The following TMEM260 variants were observed in gnomAD, a reference collection of about 807,000 sequenced individuals.
TMEM260 encodes the protein protein O-mannosyl-transferase TMEM260.
A neutral mutation model predicts 88.9 loss-of-function variants in TMEM260; 82 were observed. That is an observed-to-expected ratio of 0.92 (90% CI 0.77 to 1.11). The LOEUF is 1.11. Ranked by LOEUF, TMEM260 falls within the 50% of genes least tolerant of loss-of-function variation. The pLI is 0.00. For synonymous variants in TMEM260, 314 were observed against 309.3 expected (o/e 1.02, Z -0.16); for missense variants, 902 against 853.4 (o/e 1.06, Z -0.71).
At chr14:56,606,006 T>C (rs540532229) in intron 5 of TMEM260, among the ~76,000 whole-genome samples, 1 of 152,348 alleles carries the variant, frequency 6.6e-6, no homozygotes, top group East Asian at 1.9e-4. Context: ...CAGAGTGGTG[T>C]GCCATCATAC....
At chr14:56,590,501 A>G (rs1456946613) in intron 3 of TMEM260, among the ~76,000 whole-genome samples, 1 of 152,236 alleles carries the variant, frequency 6.6e-6, no homozygotes, top group Non-Finnish European at 1.5e-5. Context: ...CCCATGTGTA[A>G]GATGAGGAAG....
At chr14:56,644,750 T>C (rs1889839494) in intron 15 of TMEM260, among the ~76,000 whole-genome samples, 1 of 150,886 alleles carries the variant, frequency 6.6e-6, no homozygotes, top group African/African-American at 2.4e-5. Flanking sequence ...TGCAACTTAC[T>C]CGACAAAGGG....
intron 13 of TMEM260, 90 bp downstream of exon 13, chr14:56,633,261 T>C: frequency 9.8e-7 from 1 of 1,019,208 alleles, no homozygotes; most frequent in African/African-American, 1.9e-5. Flanking sequence ...CCTTCTAATT[T>C]TTTTTTTTAT....
downstream of TMEM260, among the ~76,000 whole-genome samples, chr14:56,653,741 C>CAAAAAAAAACAAAAACA (rs1890248662): frequency 1.0e-5 from 1 of 97,912 alleles, no homozygotes; most frequent in South Asian, 3.3e-4. Context: ...GTCTCCAAAA[C>CAAAAAAAAACAAAAACA]AAAAAAAAAA....
chr14:56,626,491 A>G (rs571648304), intron 12 of TMEM260, among the ~76,000 whole-genome samples: 19 of 152,340 alleles, frequency 1.2e-4, no homozygotes, highest in African/African-American at 4.6e-4. Flanking sequence ...CTCAGTTCCA[A>G]ATCCAAATAG....
intron 15 of TMEM260, among the ~76,000 whole-genome samples, 164 bp downstream of exon 15, chr14:56,636,762 A>G (rs910493440): frequency 6.6e-6 from 1 of 152,182 alleles, no homozygotes; most frequent in African/African-American, 2.4e-5. Context: ...CAGTTGTATC[A>G]CAGTATCCAA....
At chr14:56,637,957 C>T (rs970195973) in intron 15 of TMEM260, among the ~76,000 whole-genome samples, 7 of 151,656 alleles carry the variant, frequency 4.6e-5, no homozygotes, top group Non-Finnish European at 7.4e-5. Context: ...AAGGGTGCTA[C>T]AGAAACCCAG....
chr14:56,593,509 A>G (rs1200702952), intron 3 of TMEM260, among the ~76,000 whole-genome samples: 1 of 151,898 alleles, frequency 6.6e-6, no homozygotes, highest in Non-Finnish European at 1.5e-5. Context: ...TATATAAAGT[A>G]TAAAATTATT....
chr14:56,624,419 C>T (rs1364542783), intron 11 of TMEM260, among the ~76,000 whole-genome samples: 1 of 152,072 alleles, frequency 6.6e-6, no homozygotes, highest in East Asian at 1.9e-4. Flanking sequence ...ATCAAAAATA[C>T]AAAAATTATT....
At position 56,648,012 on chromosome 14, in the gene TMEM260, A is replaced by G. The variant is rs1890073641; in HGVS notation, c.*515A>G. 1 of 152,456 alleles carries G rather than the reference A, an allele frequency of 6.6e-6. No individual in the cohort carries two copies. Among genetic ancestry groups the G allele is most frequent in the African/African-American group, 2.4e-5 (1 of 41,450 alleles). The allele number at this position is 152,456 out of a possible 1,614,324, so 9.4% of individuals were successfully genotyped here. Reference sequence around the variant, plus strand: ...GTTACATAGTCTTACACTTCAAGCTAAACACCAAATGGGTGATATTTTGAA... The same window carrying G: ...GTTACATAGTCTTACACTTCAAGCTGAACACCAAATGGGTGATATTTTGAA... On this transcript the variant is annotated 3_prime_UTR_variant, in exon 16 of 16. Transcript: ENST00000261556.
In TMEM260 at chr14:56,621,548, C is replaced by T; in HGVS notation, c.1244C>T (p.Thr415Ile). Reference sequence around the variant, plus strand: ...TTATTTAGTGTTTGTGACCAAAGGACCAACTATGTGATTGATAAGTTCGCA... The same window carrying T: ...TTATTTAGTGTTTGTGACCAAAGGATCAACTATGTGATTGATAAGTTCGCA... ...YSNYSVCDQR[T>I]NYVIDKFAKN... The change falls in exon 11 of 16, where the codon ACC (threonine) becomes ATC (isoleucine). Residue 415 changes from threonine to isoleucine, a missense_variant. Thr to Ile is a moderately conservative substitution (Grantham distance 89). Transcript: ENST00000261556. The T allele has an allele frequency of 1.9e-6, 3 of 1,605,634 alleles. No individual in the cohort carries two copies. Among genetic ancestry groups the T allele is most frequent in the Non-Finnish European group, 2.5e-6 (3 of 1,176,728 alleles).
intron 1 of TMEM260, 146 bp downstream of exon 1, chr14:56,580,220 G>A: frequency 4.8e-6 from 3 of 629,842 alleles, no homozygotes; most frequent in Middle Eastern, 9.6e-4. Context: ...ACTATTGTGT[G>A]TTCCAGAGCC....
chr14:56,623,526 A>G lies in TMEM260; in HGVS notation c.1398+1824A>G, dbSNP rs1045078126. ...TGCTTATTAGCAAAGGAGAATGACTAGACTGAGAACATTGCAGCCTGAGCT... is the reference window on the plus strand; with the variant it reads ...TGCTTATTAGCAAAGGAGAATGACTGGACTGAGAACATTGCAGCCTGAGCT... On this transcript the variant is annotated intron_variant, in intron 11 of 15. Coordinates refer to ENST00000261556, the MANE Select transcript of TMEM260 (RefSeq NM_017799.4). 3.3e-5 allele frequency among the ~76,000 whole-genome samples: 5 copies of G among 152,234 alleles called. 1 individual carries two copies. Among genetic ancestry groups the G allele is most frequent in the Admixed American group, 2.6e-4 (4 of 15,292 alleles).
intron 13 of TMEM260, among the ~76,000 whole-genome samples, chr14:56,634,176 C>T (rs1179138170): frequency 1.3e-5 from 2 of 152,152 alleles, no homozygotes; most frequent in African/African-American, 2.4e-5. Flanking sequence ...ATCAAAGCTC[C>T]AGCAGTGATT....
At chr14:56,601,403 T>C (rs886962142) in intron 3 of TMEM260, among the ~76,000 whole-genome samples, 8 of 152,282 alleles carry the variant, frequency 5.3e-5, no homozygotes, top group East Asian at 1.9e-4. Context: ...CTAGAATAGA[T>C]TGGGAAGCAT....
At chr14:56,659,621 G>T in the TMEM260 span, among the ~76,000 whole-genome samples, 1 of 152,186 alleles carries the variant, frequency 6.6e-6, no homozygotes, top group African/African-American at 2.4e-5. Flanking sequence ...CAAAGCCACT[G>T]GGCTCACACC....
chr14:56,601,853 T>C (rs1886596853), intron 3 of TMEM260, among the ~76,000 whole-genome samples: 2 of 152,090 alleles, frequency 1.3e-5, no homozygotes, highest in Admixed American at 1.3e-4. Context: ...CATGCCCCCA[T>C]CATTCTTTGA....
At chr14:56,656,197 G>A in the TMEM260 span, among the ~76,000 whole-genome samples, 7 of 152,098 alleles carry the variant, frequency 4.6e-5, no homozygotes, top group African/African-American at 1.2e-4. Context: ...TGGAAGGATC[G>A]CTTGAGGCCA....
chr14:56,590,114 T>A (rs1252114554), intron 3 of TMEM260, among the ~76,000 whole-genome samples: 1 of 152,232 alleles, frequency 6.6e-6, no homozygotes, highest in African/African-American at 2.4e-5. Flanking sequence ...GATCCGTGGT[T>A]AATTGATCAT....
Sources: allele counts gnomAD v4.1 joint callset (sites outside exome capture counted in the v4.1 genomes callset), GRCh38; gene constraint gnomAD v4.1.1; transcripts MANE v1.5; gene names NCBI Gene and HGNC (gene_info 2026-07-23, HGNC 2026-07-21).